Variants in INVS observed in about 807,000 individuals in gnomAD.
The protein encoded by INVS is inversion of embryo turning homolog.
In INVS, 86 loss-of-function variants were observed where a neutral mutation model predicts 108.8. The ratio of observed to expected loss-of-function variants is 0.79; its 90% CI spans 0.66 to 0.95. The LOEUF (loss-of-function observed/expected upper bound fraction) is 0.95. INVS is among the 40% of genes least tolerant of loss of function. The pLI is 0.00. For synonymous variants in INVS, 455 were observed against 473.5 expected (o/e 0.96, Z 0.51); for missense variants, 1,169 against 1,297.4 (o/e 0.90, Z 1.52).
intron 3 of INVS, among the ~76,000 whole-genome samples, chr9:100,134,158 T>C (rs1828147257): frequency 6.6e-6 from 1 of 152,150 alleles, no homozygotes; most frequent in Non-Finnish European, 1.5e-5. Flanking sequence ...TCCTCATAGC[T>C]TAGCTCCCAC....
intron 3 of INVS, among the ~76,000 whole-genome samples, chr9:100,158,462 G>C (rs1466324026): frequency 6.6e-6 from 1 of 152,100 alleles, no homozygotes; most frequent in African/African-American, 2.4e-5. Context: ...TATTAGCTCT[G>C]TGACATTTAT....
chr9:100,219,190 G>GA (rs905427616), intron 3 of INVS, among the ~76,000 whole-genome samples: 28 of 149,524 alleles, frequency 1.9e-4, no homozygotes, highest in Non-Finnish European at 2.5e-4. Context: ...AGATCAGTAA[G>GA]AAAAAAAAAC....
In INVS at chr9:100,141,884, G is replaced by A. The variant is rs140623227; in HGVS notation, c.273+15335G>A. 5.8e-4 allele frequency among the ~76,000 whole-genome samples: 88 copies of A among 152,302 alleles called. 1 individual carries two copies. Among genetic ancestry groups the A allele is most frequent in the African/African-American group, 1.9e-3 (81 of 41,562 alleles). On this transcript the variant is annotated intron_variant, in intron 3 of 16. Transcript: ENST00000262457. ...ATGAAATGACGACAGAATAGAATGG[G>A]CCTGTGAGGCTGGAAGGAGATATTT...
intron 3 of INVS, among the ~76,000 whole-genome samples, chr9:100,186,301 C>G (rs1830054523): frequency 6.6e-6 from 1 of 152,102 alleles, no homozygotes; most frequent in Non-Finnish European, 1.5e-5. Context: ...AGGCACCCAC[C>G]ACCACGCCTG....
chr9:100,245,984 G>A (rs549985557), intron 7 of INVS, among the ~76,000 whole-genome samples: 32 of 152,044 alleles, frequency 2.1e-4, no homozygotes, highest in Middle Eastern at 6.8e-3. Context: ...TGCCAACATG[G>A]TAAAACCCCA....
chr9:100,135,935 TAGG>T (rs1177523826), intron 3 of INVS, among the ~76,000 whole-genome samples: 1 of 151,916 alleles, frequency 6.6e-6, no homozygotes, highest in East Asian at 1.9e-4. Context: ...CAGTACAAGA[TAGG>T]AGAAGAACTA....
chr9:100,279,509 CTATAA>C (rs1833214654), intron 12 of INVS, among the ~76,000 whole-genome samples: 1 of 152,244 alleles, frequency 6.6e-6, no homozygotes, highest in South Asian at 2.1e-4. Flanking sequence ...ATTATCAATT[CTATAA>C]TATAATTCAA....
At chr9:100,188,404 T>C (rs1283996087) in intron 3 of INVS, among the ~76,000 whole-genome samples, 1 of 152,212 alleles carries the variant, frequency 6.6e-6, no homozygotes, top group Non-Finnish European at 1.5e-5. Context: ...TGCTAGATTT[T>C]ATTGAATGCT....
In INVS at chr9:100,293,249, T is replaced by C. The variant is rs571747725; in HGVS notation, c.2786+206T>C. On this transcript the variant is annotated intron_variant, in intron 14 of 16. Coordinates refer to ENST00000262457, the MANE Select transcript of INVS (RefSeq NM_014425.5). ...TGGAAGATGTTTTTGCCTAGAAAGA[T>C]GGGAAAGTGCTCAGGACAGCATGGG... is the stretch of plus-strand genomic sequence containing the variant. Among the ~76,000 whole-genome samples, 6 of 152,248 alleles carry C rather than the reference T, an allele frequency of 3.9e-5. No homozygotes were observed. The South Asian group carries it at 1.2e-3, about 32-fold the overall frequency.
At chr9:100,174,252 C>A (rs1309505408) in intron 3 of INVS, among the ~76,000 whole-genome samples, 5 of 151,952 alleles carry the variant, frequency 3.3e-5, no homozygotes, top group Non-Finnish European at 7.4e-5. Flanking sequence ...GGATGTCTTG[C>A]AGAAAAATAG....
chr9:100,225,344 G>A (rs1050235132), intron 3 of INVS, among the ~76,000 whole-genome samples: 2 of 151,940 alleles, frequency 1.3e-5, no homozygotes, highest in East Asian at 1.9e-4. Context: ...CACCACGCCC[G>A]GCCCTGGGAT....
At position 100,223,957 on chromosome 9, in the gene INVS, T is replaced by C. The variant is rs552981445; in HGVS notation, c.274-2105T>C. 5.9e-5 allele frequency among the ~76,000 whole-genome samples: 9 copies of C among 152,322 alleles called. No individual in the cohort carries two copies. The East Asian group carries it at 1.2e-3, about 20-fold the overall frequency. ...CCTTACAGCAGGGATGTCCAATCTT[T>C]TGGCTTCCCTGGGCCACACTGGAAG... On this transcript the variant is annotated intron_variant, in intron 3 of 16. Coordinates refer to ENST00000262457, the MANE Select transcript of INVS (RefSeq NM_014425.5).
At chr9:100,154,892 G>A (rs554266339) in intron 3 of INVS, among the ~76,000 whole-genome samples, 31 of 152,192 alleles carry the variant, frequency 2.0e-4, no homozygotes, top group East Asian at 1.5e-3. Flanking sequence ...TTGGAACTTC[G>A]TAAATTATTT....
chr9:100,216,878 CAGAG>C (rs909486162), intron 3 of INVS, among the ~76,000 whole-genome samples: 3 of 152,202 alleles, frequency 2.0e-5, no homozygotes, highest in African/African-American at 7.2e-5. Context: ...GACTCATTAA[CAGAG>C]AGAATACTGG....
chr9:100,292,585 C>T lies in INVS; in HGVS notation c.2328C>T (p.Pro776=), dbSNP rs756240867. 2 of 1,614,154 alleles carry T rather than the reference C, an allele frequency of 1.2e-6. No homozygotes were observed. The highest frequency in any genetic ancestry group is 1.7e-6 in the Non-Finnish European group (2 of 1,180,028). The change falls in exon 14 of 17, where the codon CCC becomes CCT. Residue 776 remains proline, a synonymous_variant. Coordinates refer to ENST00000262457, the MANE Select transcript of INVS (RefSeq NM_014425.5). Reference sequence around the variant, plus strand: ...CACCGCACGATAGCCACTGGAAGCCCAGCAGGCGGCATGACACAGAACCCA... The same window carrying T: ...CACCGCACGATAGCCACTGGAAGCCTAGCAGGCGGCATGACACAGAACCCA... ...SLPPHDSHWK[P]SRRHDTEPKA... is the part of the protein sequence containing the mutation.
At chr9:100,186,128 G>A (rs1393293485) in intron 3 of INVS, among the ~76,000 whole-genome samples, 2 of 151,932 alleles carry the variant, frequency 1.3e-5, no homozygotes, top group Admixed American at 1.3e-4. Flanking sequence ...AAATCTTCAC[G>A]TTGTTTTCCA....
At chr9:100,199,702 AT>A (rs1232652443) in intron 3 of INVS, among the ~76,000 whole-genome samples, 1 of 152,176 alleles carries the variant, frequency 6.6e-6, no homozygotes, top group Non-Finnish European at 1.5e-5. Flanking sequence ...TCCTATGTGT[AT>A]AATGGTGGTG....
At position 100,300,302 on chromosome 9, in the gene INVS, A is replaced by G. The variant is rs531312359; in HGVS notation, c.3092-266A>G. On this transcript the variant is annotated intron_variant, in intron 16 of 16. Coordinates refer to ENST00000262457, the MANE Select transcript of INVS (RefSeq NM_014425.5). ...AGAGAGAGAATCTATTTGTTATTTC[A>G]GGCAGACTGAAGACCGAGGTTCTGG... Among the ~76,000 whole-genome samples, 8 of 152,338 alleles carry G rather than the reference A, an allele frequency of 5.3e-5. No individual in the cohort carries two copies. The East Asian group carries it at 1.2e-3, about 22-fold the overall frequency.
intron 2 of INVS, among the ~76,000 whole-genome samples, chr9:100,125,513 G>T (rs1454638425): frequency 6.6e-6 from 1 of 152,084 alleles, no homozygotes; most frequent in East Asian, 1.9e-4. Flanking sequence ...CTTACCACCA[G>T]GTTGTCTCTC....
Sources: allele counts gnomAD v4.1 joint callset (sites outside exome capture counted in the v4.1 genomes callset), GRCh38; gene constraint gnomAD v4.1.1; transcripts MANE v1.5; gene names NCBI Gene and HGNC (gene_info 2026-07-23, HGNC 2026-07-21).